Variants in SP2 observed in about 807,000 individuals in gnomAD.
The protein encoded by SP2 is Sp2 transcription factor, also known as transcription factor Sp2.
SP2 carries 9 observed loss-of-function variants against 50.1 expected under a neutral mutation model. That is an observed-to-expected ratio of 0.18 (90% CI 0.11 to 0.31). The LOEUF (loss-of-function observed/expected upper bound fraction) is 0.31. SP2 is among the 10% of genes least tolerant of loss of function. SP2 has a pLI of 1.00. For synonymous variants in SP2, 313 were observed against 326.6 expected, an observed-to-expected ratio of 0.96 and a Z score of 0.45; for missense variants, 581 against 806.5, an observed-to-expected ratio of 0.72 and a Z score of 3.39.
chr17:47,912,267 T>C (rs375017105), intron 1 of SP2, among the ~76,000 whole-genome samples: 51 of 152,286 alleles, frequency 3.3e-4, no homozygotes, highest in African/African-American at 1.2e-3. Flanking sequence ...GATCTGCATA[T>C]ATAATTTTGC....
rs1400046681 is a variant in SP2 at position 47,917,001 on chromosome 17, G to A, written c.930G>A (p.Gln310=). Residue 310 remains glutamine, a synonymous_variant, in exon 3 of 7, where the codon CAG becomes CAA. Transcript: ENST00000376741. The part of the protein sequence containing the change: ...QVQVVPPKAE[Q]QQVVQIPQQA... ...AGGTGGTGCCCCCCAAGGCCGAGCAGCAGCAGGTGGTACAGATCCCCCAGC... is the reference window on the plus strand; with the variant it reads ...AGGTGGTGCCCCCCAAGGCCGAGCAACAGCAGGTGGTACAGATCCCCCAGC... 2 of 1,614,100 alleles carry A rather than the reference G, an allele frequency of 1.2e-6. No individual in the cohort carries two copies. Among genetic ancestry groups the A allele is most frequent in the Non-Finnish European group, 1.7e-6 (2 of 1,180,054 alleles).
At chr17:47,925,930 T>TTTTTTTTTTTTTTTTTTTTC (rs2035628780) in intron 6 of SP2, among the ~76,000 whole-genome samples, 1 of 107,082 alleles carries the variant, frequency 9.3e-6, no homozygotes, top group African/African-American at 3.4e-5. Context: ...TTTTTTTTTT[T>TTTTTTTTTTTTTTTTTTTTC]TTTGGAGATG....
chr17:47,926,523 C>G (rs67194241), intron 6 of SP2, among the ~76,000 whole-genome samples: 72,520 of 151,760 alleles, frequency 0.48, 17,599 homozygotes, highest in East Asian at 0.76. Flanking sequence ...TGTTGCCCAG[C>G]CTGGTCTCAA....
Position 47,919,825 on chromosome 17 carries a change from C to CT in SP2, c.1059+2717dup, listed in dbSNP as rs141856390. Among the ~76,000 whole-genome samples, 325 of 94,794 alleles carry CT rather than the reference C, an allele frequency of 3.4e-3. 4 individuals are homozygous for CT. Among genetic ancestry groups the CT allele is most frequent in the African/African-American group, 9.8e-3 (233 of 23,758 alleles). 62.2% of individuals were successfully genotyped at this position (94,794 alleles called of 152,430 possible). On this transcript the variant is annotated intron_variant, in intron 3 of 6. Coordinates refer to ENST00000376741, the MANE Select transcript of SP2 (RefSeq NM_003110.6). ...TTTGATCTGAAACACTTTGTCATTC[C>CT]TTTTTTTTTTTTTTTTTTTTTTCTG...
chr17:47,921,656 TTTCAAGTCCCCACCA>T (rs1264437845), intron 3 of SP2, among the ~76,000 whole-genome samples: 1 of 152,244 alleles, frequency 6.6e-6, no homozygotes, highest in Non-Finnish European at 1.5e-5. Context: ...GCTTGTATCT[TTTCAAGTCCCCACCA>T]TTCTGTAAGC....
chr17:47,926,251 G>A (rs2035645856), intron 6 of SP2, among the ~76,000 whole-genome samples: 1 of 151,306 alleles, frequency 6.6e-6, no homozygotes, highest in East Asian at 1.9e-4. Flanking sequence ...TGGAGAGCTG[G>A]CCCAGTCACA....
chr17:47,907,900 T>C (rs1295087784), intron 1 of SP2, among the ~76,000 whole-genome samples: 1 of 152,220 alleles, frequency 6.6e-6, no homozygotes, highest in Non-Finnish European at 1.5e-5. Context: ...ATGCTACCTC[T>C]TCTTAACCAC....
chr17:47,896,334 A>C (rs938512662), intron 1 of SP2, 41 bp downstream of exon 1: 1 of 1,232,808 alleles, frequency 8.1e-7, no homozygotes, highest in Non-Finnish European at 1.0e-6. Context: ...CCCGGCCCCC[A>C]AGGGTCAGGA....
At chr17:47,915,637 A>G (rs2035169185) in intron 2 of SP2, among the ~76,000 whole-genome samples, 1 of 152,192 alleles carries the variant, frequency 6.6e-6, no homozygotes, top group African/African-American at 2.4e-5. Flanking sequence ...AGGAAAAGGA[A>G]AACAGAGGCT....
downstream of SP2, chr17:47,929,688 T>C (rs2035780948): frequency 6.6e-6 from 1 of 152,662 alleles, no homozygotes; most frequent in African/African-American, 2.4e-5. Flanking sequence ...GGGGTTGCGA[T>C]GTTGTGCAGA....
At chr17:47,909,367 G>A (rs2143864818) in intron 1 of SP2, among the ~76,000 whole-genome samples, 1 of 152,256 alleles carries the variant, frequency 6.6e-6, no homozygotes, top group East Asian at 1.9e-4. Context: ...GCACTATTAG[G>A]CTCTTTCTGC....
chr17:47,904,079 A>G (rs947760129), intron 1 of SP2, among the ~76,000 whole-genome samples: 4 of 152,040 alleles, frequency 2.6e-5, no homozygotes, highest in African/African-American at 4.8e-5. Context: ...TGGCTAACAC[A>G]GTGAAACCCT....
intron 1 of SP2, chr17:47,900,471 AT>A (rs1212212175): frequency 6.6e-6 from 1 of 152,256 alleles, no homozygotes; most frequent in Non-Finnish European, 1.5e-5. Context: ...ATCACCACTC[AT>A]TTCAGAAGCT....
chr17:47,907,706 G>T (rs1353051244), intron 1 of SP2, among the ~76,000 whole-genome samples: 2 of 152,146 alleles, frequency 1.3e-5, no homozygotes, highest in African/African-American at 4.8e-5. Context: ...GGCGGAAGTG[G>T]TATAAAACAA....
At chr17:47,912,019 A>G (rs1043399515) in intron 1 of SP2, among the ~76,000 whole-genome samples, 2 of 152,174 alleles carry the variant, frequency 1.3e-5, no homozygotes, top group African/African-American at 2.4e-5. Flanking sequence ...TGTTCACAAG[A>G]ATATTATGAA....
At chr17:47,912,464 A>C (rs776458958) in intron 1 of SP2, among the ~76,000 whole-genome samples, 22 of 137,848 alleles carry the variant, frequency 1.6e-4, no homozygotes, top group Admixed American at 8.0e-4. Flanking sequence ...TTTTTTATGG[A>C]GATGGGATCT....
intron 6 of SP2, among the ~76,000 whole-genome samples, chr17:47,926,068 C>G (rs1307245201): frequency 6.6e-6 from 1 of 151,892 alleles, no homozygotes; most frequent in Non-Finnish European, 1.5e-5. Flanking sequence ...AGGCACCCAC[C>G]ACCACACCCA....
chr17:47,917,241 T>C, intron 3 of SP2, 111 bp downstream of exon 3: 1 of 1,195,504 alleles, frequency 8.4e-7, no homozygotes, highest in Admixed American at 2.3e-5. Context: ...TGAGAGTCAG[T>C]ATCTTTTGGG....
chr17:47,921,293 G>A (rs1008911458), intron 3 of SP2, among the ~76,000 whole-genome samples: 1 of 152,152 alleles, frequency 6.6e-6, no homozygotes, highest in African/African-American at 2.4e-5. Context: ...CTGTCACCCA[G>A]GCTGGAGTGC....
Sources: allele counts gnomAD v4.1 joint callset (sites outside exome capture counted in the v4.1 genomes callset), GRCh38; gene constraint gnomAD v4.1.1; transcripts MANE v1.5; gene names NCBI Gene and HGNC (gene_info 2026-07-23, HGNC 2026-07-21).